Variants in RBMX observed in about 807,000 individuals in gnomAD.
The protein encoded by RBMX is RNA-binding motif protein, X chromosome.
Under a neutral mutation model 29.3 loss-of-function variants are expected in RBMX, and 1 was observed. That is an observed-to-expected ratio of 0.03 (90% CI 0.01 to 0.16). The LOEUF is 0.16. RBMX is among the 10% of genes least tolerant of loss of function. The pLI is 1.00. For missense variants in RBMX, 121 were observed against 333.2 expected (o/e 0.36, Z 4.96); for synonymous variants, 102 against 102.3 (o/e 1.00, Z 0.02).
At chrX:136,877,287 G>A (rs965897910) in intron 4 of RBMX, among the ~76,000 whole-genome samples, 85 of 95,572 alleles carry the variant, frequency 8.9e-4, no homozygotes, top group Non-Finnish European at 1.6e-3. Context: ...AGCCAAGATC[G>A]TGCCACTGCA....
downstream of RBMX, among the ~76,000 whole-genome samples, chrX:136,871,570 T>C (rs754286743): frequency 7.2e-5 from 8 of 111,678 alleles, no homozygotes; most frequent in African/African-American, 2.6e-4. Flanking sequence ...ATTTAGTCAA[T>C]TTGTATTGTA....
At chrX:136,874,539 T>C in intron 8 of RBMX, 87 bp from the exon 9 acceptor site, 7 of 1,077,827 alleles carry the variant, frequency 6.5e-6, no homozygotes, top group Non-Finnish European at 8.7e-6. Context: ...AATTCTTGTA[T>C]TAAAAGTTTA....
At chrX:136,877,860 T>G in intron 4 of RBMX, 55 bp downstream of exon 4, 18 of 1,067,110 alleles carry the variant, frequency 1.7e-5, no homozygotes, top group Admixed American at 3.1e-5. Flanking sequence ...CCACTTGGTG[T>G]GAGCTTGCAG....
rs780224541 is a variant in RBMX, at chrX:136,875,142, C to T, written c.809G>A (p.Arg270His). The T allele has an allele frequency of 2.2e-5, 27 of 1,211,668 alleles. No individual in the cohort carries two copies. The highest frequency in any genetic ancestry group is 3.0e-5 in the Non-Finnish European group (27 of 895,522). ...TCCACTTGGATGATCTGAATAGTCA[C>T]GATCACGACCATATCCATCTCTATC... ...YSDRDGYGRD[R>H]DYSDHPSGGS... The change falls in exon 8 of 9, where the codon CGT (arginine) becomes CAT (histidine). Residue 270 changes from arginine to histidine, a missense_variant. By Grantham distance (29) the Arg-to-His change is conservative. Around this residue, in one of 2 missense-constraint regions of RBMX, gnomAD observed 114 missense variants for 260.0 expected, o/e 0.44. Transcript: ENST00000320676.
In RBMX at chrX:136,875,546, G is replaced by C. The variant is rs1220631762; in HGVS notation, c.581C>G (p.Pro194Arg). ...ACGAGAGGGCAGCGGTTCCCTTCGA[G>C]GTGGACCTCCATAACTATCTCTTCC... Reference protein sequence around the residue: ...SRGRDSYGGPPRREPLPSRRD... With the variant: ...SRGRDSYGGPRRREPLPSRRD... The change falls in exon 6 of 9, where the codon CCT (proline) becomes CGT (arginine). Residue 194 changes from proline (P) to arginine (R), a missense_variant. Transcript: ENST00000320676. 1 of 1,209,431 alleles carries C rather than the reference G, an allele frequency of 8.3e-7. No individual in the cohort carries two copies. The highest frequency in any genetic ancestry group is 2.2e-5 in the Admixed American group (1 of 45,582).
intron 5 of RBMX, among the ~76,000 whole-genome samples, 184 bp from the exon 6 acceptor site, chrX:136,875,769 T>C (rs1351136989): frequency 1.8e-5 from 2 of 111,691 alleles, no homozygotes; most frequent in Non-Finnish European, 3.8e-5. Flanking sequence ...GCTAATTCCA[T>C]TTATCTAATC....
Position 136,877,896 on chromosome X carries a change from G to C in RBMX, c.388+19C>G, listed in dbSNP as rs375866649. 5 of 1,155,686 alleles carry C rather than the reference G, an allele frequency of 4.3e-6. No homozygotes were observed. The African/African-American group carries it at 7.2e-5, about 17-fold the overall frequency. ...TCCCTAACTTATACACCAAACCCGA[G>C]GTCCACGCAAGTTATTACCCATGTG... On this transcript the variant is annotated intron_variant, in intron 4 of 8. Coordinates refer to ENST00000320676, the MANE Select transcript of RBMX (RefSeq NM_002139.4).
downstream of RBMX, chrX:136,869,411 T>C (rs1207082879): frequency 8.9e-6 from 1 of 112,066 alleles, no homozygotes; most frequent in Non-Finnish European, 1.9e-5. Flanking sequence ...ATCTGGTCAT[T>C]TTAACATACT....
downstream of RBMX, chrX:136,872,214 A>T (rs1284155661): frequency 1.1e-6 from 1 of 944,925 alleles, no homozygotes; most frequent in Non-Finnish European, 1.5e-6. Flanking sequence ...AGCTAAACTA[A>T]ATGGTAGTTA....
Position 136,874,058 on chromosome X carries a change from AGT to A in RBMX, c.*82_*83del, listed in dbSNP as rs1311961595. On this transcript the variant is annotated 3_prime_UTR_variant, in exon 9 of 9. Coordinates refer to ENST00000320676, the MANE Select transcript of RBMX (RefSeq NM_002139.4). ...AAAAAGTAACACAATTTTTCCTTTT[AGT>A]AGTCCTTGGGTAGTTATGATAGAAT... is the stretch of plus-strand genomic sequence containing the variant. 1.8e-6 allele frequency: 2 copies of A among 1,121,712 alleles called. No individual in the cohort carries two copies. The highest frequency in any genetic ancestry group is 3.6e-5 in the African/African-American group (2 of 55,053). The allele number at this position is 1,121,712 out of a possible 1,213,427, so 92.4% of individuals were successfully genotyped here.
At chrX:136,872,349 CAA>C, downstream of RBMX, 4 of 1,162,548 alleles carry the variant, frequency 3.4e-6, no homozygotes, top group Non-Finnish European at 4.6e-6. Flanking sequence ...CACCAACCTG[CAA>C]AAGTTAAATA....
chrX:136,877,452 CTTTTTT>C (rs551259279), intron 4 of RBMX, among the ~76,000 whole-genome samples: 3 of 85,855 alleles, frequency 3.5e-5, no homozygotes, highest in East Asian at 4.1e-4. Flanking sequence ...TCTTAAAAAA[CTTTTTT>C]TTTTTTTTTT....
At chrX:136,872,070 C>T (rs1000497216), downstream of RBMX, among the ~76,000 whole-genome samples, 2 of 111,582 alleles carry the variant, frequency 1.8e-5, no homozygotes, top group Non-Finnish European at 3.8e-5. Context: ...GCCAGACTCA[C>T]GGAAATGTAA....
At position 136,875,527 on chromosome X, in the gene RBMX, G is replaced by A. The variant is rs776292500; in HGVS notation, c.600C>T (p.Pro200=). The A allele has an allele frequency of 1.7e-5, 20 of 1,209,918 alleles. No homozygotes were observed. In the East Asian group the frequency reaches 5.0e-4, roughly 30 times the overall value. Residue 200 remains proline, a synonymous_variant, in exon 6 of 9, where the codon CCC becomes CCT. Coordinates refer to ENST00000320676, the MANE Select transcript of RBMX (RefSeq NM_002139.4). ...YGGPPRREPL[P]SRRDVYLSPR... Reference sequence around the variant, plus strand: ...GGGACAAATAAACATCTCTACGAGAGGGCAGCGGTTCCCTTCGAGGTGGAC... The same window carrying A: ...GGGACAAATAAACATCTCTACGAGAAGGCAGCGGTTCCCTTCGAGGTGGAC...
At chrX:136,875,450 A>G in intron 6 of RBMX, 21 bp downstream of exon 6, 1 of 1,207,469 alleles carries the variant, frequency 8.3e-7, no homozygotes, top group African/African-American at 1.7e-5. Flanking sequence ...ATTAATTTAA[A>G]AAGCTGCACT....
At chrX:136,878,852 A>G (rs2077767808) in intron 3 of RBMX, among the ~76,000 whole-genome samples, 165 bp downstream of exon 3, 1 of 111,369 alleles carries the variant, frequency 9.0e-6, no homozygotes, top group Non-Finnish European at 1.9e-5. Flanking sequence ...CTGCAATTAC[A>G]GAATACTCTT....
chrX:136,876,674 A>G lies in RBMX; in HGVS notation c.389-19T>C. The G allele has an allele frequency of 8.7e-7, 1 of 1,148,738 alleles. No homozygotes were observed. The highest frequency in any genetic ancestry group is 1.2e-6 in the Non-Finnish European group (1 of 862,625). The allele number at this position is 1,148,738 out of a possible 1,213,427, so 94.7% of individuals were successfully genotyped here. On this transcript the variant is annotated intron_variant, in intron 4 of 8. Transcript: ENST00000320676. ...CCGTCATCTGCATCAAAAATAGAAA[A>G]GAAAAATATTACTACTCACAAGAAT...
chrX:136,869,563 T>C (rs892548172), downstream of RBMX: 7 of 111,966 alleles, frequency 6.3e-5, no homozygotes, highest in African/African-American at 6.5e-5. Context: ...TATAGAAAGA[T>C]TGGGCTAAGA....
chrX:136,871,967 C>CGT (rs2077688198), downstream of RBMX, among the ~76,000 whole-genome samples: 1 of 111,068 alleles, frequency 9.0e-6, no homozygotes, highest in African/African-American at 3.3e-5. Context: ...AAACTTCTTA[C>CGT]GTGTGTACTT....
Sources: allele counts gnomAD v4.1 joint callset (sites outside exome capture counted in the v4.1 genomes callset), GRCh38; gene constraint gnomAD v4.1.1; regional missense constraint gnomAD v4.1.1; transcripts MANE v1.5; gene names NCBI Gene and HGNC (gene_info 2026-07-23, HGNC 2026-07-21).